Variants in SNX8 observed in about 807,000 individuals in gnomAD.
SNX8 encodes the protein sorting nexin 8.
Under a neutral mutation model 51.6 loss-of-function variants are expected in SNX8, and 25 were observed. That is an observed-to-expected ratio of 0.48 (90% CI 0.35 to 0.68). The LOEUF (loss-of-function observed/expected upper bound fraction) is 0.68, where lower values mean the gene tolerates loss of function less well. Ranked by LOEUF, SNX8 falls within the 30% of genes least tolerant of loss-of-function variation. SNX8 has a pLI of 0.00. For missense variants in SNX8, 695 were observed against 624.0 expected (o/e 1.11, Z -1.21); for synonymous variants, 324 against 277.0 (o/e 1.17, Z -1.68).
intron 1 of SNX8, among the ~76,000 whole-genome samples, chr7:2,331,922 A>G (rs1334027454): frequency 2.7e-5 from 4 of 148,660 alleles, no homozygotes; most frequent in African/African-American, 7.4e-5. Flanking sequence ...AAGATATTAC[A>G]AGGCCGGGCG....
chr7:2,274,615 T>C (rs901006544), intron 3 of SNX8, among the ~76,000 whole-genome samples: 4 of 152,210 alleles, frequency 2.6e-5, no homozygotes, highest in African/African-American at 7.2e-5. Flanking sequence ...CGTGTGCTGC[T>C]TTTTCTCTCC....
At chr7:2,257,660 G>C in intron 8 of SNX8, 75 bp downstream of exon 8, 1 of 1,574,716 alleles carries the variant, frequency 6.4e-7, no homozygotes, top group Non-Finnish European at 8.7e-7. Flanking sequence ...CCGTCCCCCA[G>C]GAGTTAGACC....
At chr7:2,277,143 C>T (rs1257906636) in intron 2 of SNX8, among the ~76,000 whole-genome samples, 1 of 152,184 alleles carries the variant, frequency 6.6e-6, no homozygotes, top group Non-Finnish European at 1.5e-5. Flanking sequence ...ACAGTGTTAG[C>T]TCATCAATTA....
rs575973761 is a variant in SNX8, at chr7:2,305,520, C to G, written c.94+8808G>C. ...CTGGGATTACAGGCACCCGCCACCA[C>G]ACCTGGCTAATGTTTATACTTTTAT... On this transcript the variant is annotated intron_variant, in intron 1 of 10. Coordinates refer to ENST00000222990, the MANE Select transcript of SNX8 (RefSeq NM_013321.4). Among the ~76,000 whole-genome samples, 4 of 152,096 alleles carry G rather than the reference C, an allele frequency of 2.6e-5. No individual in the cohort carries two copies. In the East Asian group the frequency reaches 7.8e-4, roughly 30 times the overall value.
Position 2,288,989 on chromosome 7 carries a change from A to G in SNX8, c.95-10684T>C, listed in dbSNP as rs183510416. 3.5e-3 allele frequency among the ~76,000 whole-genome samples: 529 copies of G among 152,266 alleles called. 5 individuals are homozygous for G. The highest frequency in any genetic ancestry group is 0.012 in the African/African-American group (517 of 41,550). On this transcript the variant is annotated intron_variant, in intron 1 of 10. Transcript: ENST00000222990. ...GAGTCTCAAGCAATCCTCCTTCCTC[A>G]GCCTCCAAAAGTGCTGGGATTACAG...
chr7:2,334,869 G>GGA (rs1292158489), intron 1 of SNX8, among the ~76,000 whole-genome samples: 3 of 80,112 alleles, frequency 3.7e-5, no homozygotes, highest in Non-Finnish European at 6.8e-5. Flanking sequence ...GCCCATCTCT[G>GGA]AAAAAAAAAA....
intron 3 of SNX8, among the ~76,000 whole-genome samples, chr7:2,272,632 T>G (rs1024749621): frequency 1.3e-5 from 2 of 152,040 alleles, no homozygotes; most frequent in East Asian, 1.9e-4. Flanking sequence ...TGCCTCGGCC[T>G]CCCAAAGTGC....
chr7:2,331,676 G>C lies in SNX8; in HGVS notation c.-66+22546C>G, dbSNP rs544644024. Among the ~76,000 whole-genome samples the C allele has an allele frequency of 5.9e-5, 9 of 151,886 alleles. No homozygotes were observed. In the Admixed American group the frequency reaches 5.9e-4, roughly 10 times the overall value. The stretch of plus-strand genomic sequence containing the variant: ...GCCAAGATCACACCACTGCACTCCA[G>C]CCTGGGCAACAGAGTGACACTCCGT... On this transcript the variant is annotated intron_variant, in intron 1 of 5. Coordinates refer to the SNX8 transcript ENST00000435336.
chr7:2,283,947 C>G (rs1196272937), intron 1 of SNX8, among the ~76,000 whole-genome samples: 1 of 152,184 alleles, frequency 6.6e-6, no homozygotes, highest in Non-Finnish European at 1.5e-5. Context: ...AGGCATGTGC[C>G]ACCATACCTG....
chr7:2,257,851 G>A lies in SNX8; in HGVS notation c.916-48C>T, dbSNP rs765725996. ...CCCACGCGGACGCACATAGGACCCG[G>A]TCCCTGCCCGGGAACTCAGACCCAA... On this transcript the variant is annotated intron_variant, in intron 7 of 10. Coordinates refer to ENST00000222990, the MANE Select transcript of SNX8 (RefSeq NM_013321.4). The A allele has an allele frequency of 3.2e-6, 5 of 1,569,164 alleles. No homozygotes were observed. The Admixed American group carries it at 5.0e-5, about 16-fold the overall frequency.
intron 1 of SNX8, among the ~76,000 whole-genome samples, chr7:2,348,950 C>CAAAAAA (rs60816121): frequency 2.0e-4 from 11 of 55,718 alleles, no homozygotes; most frequent in Admixed American, 4.5e-4. Flanking sequence ...GACTCTGTCT[C>CAAAAAA]AAAAAAAAAA....
At chr7:2,298,476 T>G (rs1796321497) in intron 1 of SNX8, among the ~76,000 whole-genome samples, 1 of 151,422 alleles carries the variant, frequency 6.6e-6, no homozygotes, top group Non-Finnish European at 1.5e-5. Context: ...TTCCAGCAAT[T>G]CTCCTGCCTC....
At position 2,257,006 on chromosome 7, in the gene SNX8, C is replaced by A. The variant is rs369714291; in HGVS notation, c.1152G>T (p.Gln384His). Reference protein sequence around the residue: ...SRIVEQENAIQTMELRNYFSL... With the variant: ...SRIVEQENAIHTMELRNYFSL... ...AGAAGTAGTTCCGCAGCTCCATCGT[C>A]TGAATCGCGTTCTCCTGCTGCGGAG... The change falls in exon 10 of 11, where the codon CAG becomes CAT. Residue 384 changes from glutamine (Q) to histidine (H), a missense_variant. Transcript: ENST00000222990. 3 of 1,608,500 alleles carry A rather than the reference C, an allele frequency of 1.9e-6. No individual in the cohort carries two copies. The highest frequency in any genetic ancestry group is 2.5e-6 in the Non-Finnish European group (3 of 1,176,836).
chr7:2,257,267 G>A, intron 9 of SNX8, 98 bp downstream of exon 9: 10 of 1,415,520 alleles, frequency 7.1e-6, no homozygotes, highest in South Asian at 1.3e-5. Flanking sequence ...CAGACACAAG[G>A]AGCCAACCCA....
At chr7:2,348,205 C>T (rs567102778) in intron 1 of SNX8, among the ~76,000 whole-genome samples, 11 of 152,124 alleles carry the variant, frequency 7.2e-5, no homozygotes, top group Non-Finnish European at 1.2e-4. Flanking sequence ...TCTGCCAACT[C>T]GAATTCTGTC....
intron 1 of SNX8, among the ~76,000 whole-genome samples, chr7:2,352,181 G>T (rs1562467384): frequency 6.6e-6 from 1 of 151,744 alleles, no homozygotes; most frequent in Non-Finnish European, 1.5e-5. Flanking sequence ...CAAAGTGCTG[G>T]GATTACAGGT....
chr7:2,351,876 A>C (rs1407728242), intron 1 of SNX8, among the ~76,000 whole-genome samples: 1 of 150,086 alleles, frequency 6.7e-6, no homozygotes, highest in African/African-American at 2.4e-5. Flanking sequence ...AAAAACAAAA[A>C]ATCGAGTAAG....
chr7:2,255,596 G>A (rs1381368322), intron 10 of SNX8, among the ~76,000 whole-genome samples: 2 of 152,160 alleles, frequency 1.3e-5, no homozygotes, highest in Admixed American at 6.5e-5. Context: ...AATATGAGTC[G>A]GATGTGGTGG....
intron 1 of SNX8, among the ~76,000 whole-genome samples, chr7:2,278,665 G>A (rs1584693545): frequency 8.2e-6 from 1 of 122,698 alleles, no homozygotes; most frequent in South Asian, 3.1e-4. Flanking sequence ...CTACGGAGTC[G>A]ACGCCGGACT....
Sources: gnomAD v4.1 joint callset for allele counts (sites outside exome capture counted in the v4.1 genomes callset) on GRCh38, gnomAD v4.1.1 for gene constraint, MANE v1.5 for transcripts, NCBI Gene and HGNC (gene_info 2026-07-23, HGNC 2026-07-21) for gene names.